Variants in RPL3L observed in about 807,000 individuals in gnomAD.
The protein encoded by RPL3L is ribosomal protein uL3-like.
Under a neutral mutation model 44.5 loss-of-function variants are expected in RPL3L, and 44 were observed. The observed-to-expected ratio is 0.99, with a 90% CI of 0.78 to 1.27. The LOEUF (loss-of-function observed/expected upper bound fraction) is 1.27. Ranked by LOEUF, RPL3L falls within the 50% of genes most tolerant of loss-of-function variation. The pLI is 0.00. For missense variants in RPL3L, 631 were observed against 569.1 expected (o/e 1.11, Z -1.11); for synonymous variants, 292 against 230.7 (o/e 1.27, Z -2.41).
chr16:1,952,807 A>G, intron 3 of RPL3L, 67 bp downstream of exon 3: 1 of 1,574,998 alleles, frequency 6.3e-7, no homozygotes, highest in Admixed American at 1.8e-5. Context: ...CAAGAGCTAG[A>G]GCCTCAGGCA....
At chr16:1,948,564 T>C (rs986065728) in intron 4 of RPL3L, among the ~76,000 whole-genome samples, 1 of 152,020 alleles carries the variant, frequency 6.6e-6, no homozygotes, top group African/African-American at 2.4e-5. Context: ...AGACAGGGTC[T>C]CGCTCTGTCA....
At position 1,945,904 on chromosome 16, in the gene RPL3L, C is replaced by G; in HGVS notation, c.978G>C (p.Val326=). The G allele has an allele frequency of 6.2e-7, 1 of 1,613,144 alleles. No individual in the cohort carries two copies. The highest frequency in any genetic ancestry group is 8.5e-7 in the Non-Finnish European group (1 of 1,179,620). ...PLGGFPHYGE[V]NNDFVMLKGC... is the part of the protein sequence containing the mutation. The stretch of plus-strand genomic sequence containing the variant: ...CCTTCAGCATGACGAAGTCGTTGTT[C>G]ACTTCCCCGTAGTGGGGGAAGCCAC... Residue 326 remains valine, a synonymous_variant, in exon 8 of 10, where the codon GTG becomes GTC. Transcript: ENST00000268661.
chr16:1,952,015 C>A (rs2083174646), intron 3 of RPL3L, among the ~76,000 whole-genome samples: 1 of 152,086 alleles, frequency 6.6e-6, no homozygotes, highest in African/African-American at 2.4e-5. Context: ...GCGGCACAAT[C>A]TCAGCTCACT....
chr16:1,954,235 G>A (rs1361533618), intron 1 of RPL3L, 87 bp from the exon 2 acceptor site: 1 of 1,309,314 alleles, frequency 7.6e-7, no homozygotes, highest in Admixed American at 2.9e-5. Context: ...TGGAGAAATG[G>A]ACTACAGGCT....
Position 1,954,637 on chromosome 16 carries a change from C to T in RPL3L, c.-6G>A. ...ACCCTGGTCCCACCAACCATGGTGG[C>T]CGATCCCTGAAGGTCAGGAAGGGGC... is the stretch of plus-strand genomic sequence containing the variant. On this transcript the variant is annotated 5_prime_UTR_variant, in exon 1 of 10. Coordinates refer to ENST00000268661, the MANE Select transcript of RPL3L (RefSeq NM_005061.3). 6.5e-7 allele frequency: 1 copy of T among 1,547,538 alleles called. No homozygotes were observed. Among genetic ancestry groups the T allele is most frequent in the Non-Finnish European group, 8.7e-7 (1 of 1,147,660 alleles).
chr16:1,953,666 G>A (rs956888056), intron 2 of RPL3L, among the ~76,000 whole-genome samples: 18 of 152,220 alleles, frequency 1.2e-4, no homozygotes, highest in Admixed American at 2.6e-4. Flanking sequence ...GGTTTGAACC[G>A]AGGGCTTGGG....
intron 1 of RPL3L, 52 bp from the exon 2 acceptor site, chr16:1,954,200 G>A: frequency 1.4e-6 from 2 of 1,477,520 alleles, no homozygotes; most frequent in South Asian, 1.4e-5. Context: ...TGGTGGTAGA[G>A]CTGGATGGTC....
At chr16:1,946,386 G>C (rs1391167356) in intron 7 of RPL3L, among the ~76,000 whole-genome samples, 4 of 152,226 alleles carry the variant, frequency 2.6e-5, no homozygotes, top group African/African-American at 9.6e-5. Context: ...CAAATGTTTT[G>C]GACAGCCAAG....
In RPL3L at chr16:1,944,773, G is replaced by A. The variant is rs369712503; in HGVS notation, c.*64C>T. The stretch of plus-strand genomic sequence containing the variant: ...AGACCTCGCAGGAAGAGTCGCCTCC[G>A]GCCTTTGTTAGACATTGGGGCAGAC... On this transcript the variant is annotated 3_prime_UTR_variant, in exon 10 of 10. Transcript: ENST00000268661. 1.3e-4 allele frequency: 202 copies of A among 1,607,522 alleles called. No homozygotes were observed. In the African/African-American group the frequency reaches 1.5e-3, roughly 12 times the overall value.
intron 3 of RPL3L, among the ~76,000 whole-genome samples, chr16:1,951,620 G>C (rs1057382540): frequency 2.0e-5 from 3 of 151,846 alleles, no homozygotes; most frequent in African/African-American, 7.3e-5. Context: ...GAGCTCAAAC[G>C]GTCTGCCTGC....
chr16:1,954,647 A>C lies in RPL3L; in HGVS notation c.-16T>G, dbSNP rs2083195173. On this transcript the variant is annotated 5_prime_UTR_variant, in exon 1 of 10. Coordinates refer to ENST00000268661, the MANE Select transcript of RPL3L (RefSeq NM_005061.3). The stretch of plus-strand genomic sequence containing the variant: ...CACCAACCATGGTGGCCGATCCCTG[A>C]AGGTCAGGAAGGGGCCTCGCCGCTA... 6.5e-7 allele frequency: 1 copy of C among 1,545,190 alleles called. No individual in the cohort carries two copies. Among genetic ancestry groups the C allele is most frequent in the African/African-American group, 1.4e-5 (1 of 71,356 alleles).
Position 1,950,826 on chromosome 16 carries a change from G to T in RPL3L, c.501+18C>A. The T allele has an allele frequency of 6.2e-7, 1 of 1,613,892 alleles. No individual in the cohort carries two copies. The highest frequency in any genetic ancestry group is 8.5e-7 in the Non-Finnish European group (1 of 1,179,876). On this transcript the variant is annotated intron_variant, in intron 4 of 9. Coordinates refer to ENST00000268661, the MANE Select transcript of RPL3L (RefSeq NM_005061.3). ...GTGGTCCTAGGGACTGACCGACAGC[G>T]GAGGGCCGGGGGCTGACCTGAGTGT... is the stretch of plus-strand genomic sequence containing the variant.
At chr16:1,948,095 G>A (rs956433429) in intron 4 of RPL3L, among the ~76,000 whole-genome samples, 28 of 151,686 alleles carry the variant, frequency 1.8e-4, no homozygotes, top group African/African-American at 5.8e-4. Flanking sequence ...CCGCCACCTC[G>A]ACCAGCTAAT....
intron 7 of RPL3L, 90 bp from the exon 8 acceptor site, chr16:1,946,020 CAG>C: frequency 9.1e-7 from 1 of 1,093,828 alleles, no homozygotes; most frequent in Non-Finnish European, 1.3e-6. Context: ...CCAGAGGGGG[CAG>C]TGATAGGCAG....
rs1255765393 is a variant in RPL3L, at chr16:1,953,041, T to C, written c.198A>G (p.Lys66=). The part of the protein sequence containing the change: ...TLREVHRPGL[K]ISKREEVEAV... The stretch of plus-strand genomic sequence containing the variant: ...CCTCCACCTCCTCCCGTTTGGAAAT[T>C]TCTGGATGAGACACAGGGATGGGGC... Residue 66 remains lysine (K), a splice_region_variant and synonymous_variant, in exon 3 of 10, where the codon AAA becomes AAG. Coordinates refer to ENST00000268661, the MANE Select transcript of RPL3L (RefSeq NM_005061.3). The C allele has an allele frequency of 6.3e-7, 1 of 1,592,254 alleles. No individual in the cohort carries two copies. The highest frequency in any genetic ancestry group is 1.7e-5 in the Admixed American group (1 of 57,512).
At chr16:1,948,567 C>G (rs2083143125) in intron 4 of RPL3L, among the ~76,000 whole-genome samples, 1 of 152,010 alleles carries the variant, frequency 6.6e-6, no homozygotes, top group Non-Finnish European at 1.5e-5. Flanking sequence ...CAGGGTCTCG[C>G]TCTGTCACCC....
chr16:1,954,579 C>T lies in RPL3L; in HGVS notation c.3+50G>A, dbSNP rs183423878. The T allele has an allele frequency of 1.4e-5, 21 of 1,528,704 alleles. No homozygotes were observed. The East Asian group carries it at 4.4e-4, about 32-fold the overall frequency. The allele number at this position is 1,528,704 out of a possible 1,614,324, so 94.7% of individuals were successfully genotyped here. On this transcript the variant is annotated intron_variant, in intron 1 of 9. Coordinates refer to ENST00000268661, the MANE Select transcript of RPL3L (RefSeq NM_005061.3). ...CCAGAAGCCCAGCTGTCCCACCCCC[C>T]CAGAGTTCCAGCTCCAACCCCAGCC...
At position 1,947,315 on chromosome 16, in the gene RPL3L, C is replaced by G. The variant is rs144543535; in HGVS notation, c.567G>C (p.Thr189=). 3.7e-6 allele frequency: 6 copies of G among 1,611,934 alleles called. No homozygotes were observed. In the South Asian group the frequency reaches 4.4e-5, roughly 12 times the overall value. ...GGGCCCAGGCCACCTTCTCGGCCAC[C>G]GTGCCACCGTTCAGCTGGATCTCCA... ...HIMEIQLNGG[T]VAEKVAWAQA... Residue 189 remains threonine (T), a synonymous_variant, in exon 5 of 10, where the codon ACG becomes ACC. Coordinates refer to ENST00000268661, the MANE Select transcript of RPL3L (RefSeq NM_005061.3).
intron 7 of RPL3L, 92 bp downstream of exon 7, chr16:1,946,533 A>T: frequency 8.2e-7 from 1 of 1,217,686 alleles, no homozygotes; most frequent in Non-Finnish European, 1.1e-6. Flanking sequence ...CATGCCCCCT[A>T]CATGTATACC....
Sources: allele counts gnomAD v4.1 joint callset (sites outside exome capture counted in the v4.1 genomes callset), GRCh38; gene constraint gnomAD v4.1.1; transcripts MANE v1.5; gene names NCBI Gene and HGNC (gene_info 2026-07-23, HGNC 2026-07-21).